Variants in QSOX2 observed in about 807,000 individuals in gnomAD.
QSOX2 encodes quiescin sulfhydryl oxidase 2.
QSOX2 carries 46 observed loss-of-function variants against 61.7 expected under a neutral mutation model. The ratio of observed to expected loss-of-function variants is 0.75; its 90% CI spans 0.59 to 0.95. The LOEUF is 0.95. QSOX2 is among the 40% of genes least tolerant of loss of function. The pLI is 0.00. For synonymous variants in QSOX2, 383 were observed against 388.4 expected (o/e 0.99, Z 0.16); for missense variants, 879 against 918.9 (o/e 0.96, Z 0.56).
In QSOX2 at chr9:136,221,757, G is replaced by A. The variant is rs748617034; in HGVS notation, c.821+39C>T. On this transcript the variant is annotated intron_variant, in intron 6 of 11. Transcript: ENST00000358701. This position sits in a 1 kb window ranked among gnomAD's most constrained non-coding sequence, Gnocchi z 4.5. Reference sequence around the variant, plus strand: ...CTCGGAGCCTCTGTCCGGTAACTCCGAGCGGCACGGAGTTCCCAGACCCCA... The same window carrying A: ...CTCGGAGCCTCTGTCCGGTAACTCCAAGCGGCACGGAGTTCCCAGACCCCA... The A allele has an allele frequency of 2.7e-5, 42 of 1,551,668 alleles. No homozygotes were observed. Among genetic ancestry groups the A allele is most frequent in the East Asian group, 4.6e-5 (2 of 43,226 alleles).
At chr9:136,244,671 C>G (rs1830456446) in intron 1 of QSOX2, among the ~76,000 whole-genome samples, 1 of 152,176 alleles carries the variant, frequency 6.6e-6, no homozygotes, top group African/African-American at 2.4e-5. Context: ...CCCTCCCACG[C>G]CAACTCTAAC....
intron 3 of QSOX2, 21 bp from the exon 4 acceptor site, chr9:136,224,133 T>A (rs764499422): frequency 6.3e-7 from 1 of 1,599,606 alleles, no homozygotes; most frequent in African/African-American, 1.3e-5. Flanking sequence ...CACACCAGGG[T>A]CAGAGCTGTG....
Position 136,223,694 on chromosome 9 carries a change from T to C in QSOX2, c.675+69A>G. 1 of 1,235,774 alleles carries C rather than the reference T, an allele frequency of 8.1e-7. No individual in the cohort carries two copies. The highest frequency in any genetic ancestry group is 1.9e-5 in the Admixed American group (1 of 52,846). The allele number at this position is 1,235,774 out of a possible 1,614,324, so 76.6% of individuals were successfully genotyped here. On this transcript the variant is annotated intron_variant, in intron 5 of 11. Transcript: ENST00000358701. This position sits in a 1 kb window ranked among gnomAD's most constrained non-coding sequence, Gnocchi z 4.4. ...ACACAGTGACCGGCACCTGCAAATC[T>C]CATCACAGATCCACCGCCAACCCCA...
At chr9:136,229,228 G>A (rs935433842) in intron 1 of QSOX2, among the ~76,000 whole-genome samples, 2 of 152,172 alleles carry the variant, frequency 1.3e-5, no homozygotes, top group African/African-American at 2.4e-5. Context: ...CTGCATCCCC[G>A]GCCACTCCTT....
intron 1 of QSOX2, among the ~76,000 whole-genome samples, chr9:136,236,156 G>A (rs1441177472): frequency 1.3e-5 from 2 of 152,102 alleles, no homozygotes; most frequent in African/African-American, 4.8e-5. Flanking sequence ...CCCAGGCATC[G>A]TCACAACGCT....
intron 1 of QSOX2, 56 bp downstream of exon 1, chr9:136,245,420 C>T: frequency 6.8e-7 from 1 of 1,477,970 alleles, no homozygotes; most frequent in Non-Finnish European, 9.1e-7. Context: ...CGCAAGGGGT[C>T]CCGGAAGGCC....
At position 136,208,786 on chromosome 9, in the gene QSOX2, A is replaced by T. The variant is rs750877370; in HGVS notation, c.2039T>A (p.Phe680Tyr). The change falls in exon 12 of 12, where the codon TTC (phenylalanine) becomes TAC (tyrosine). Residue 680 changes from phenylalanine to tyrosine, a missense_variant. Physicochemically the swap from Phe to Tyr is conservative, Grantham distance 22 (BLOSUM62 3). Transcript: ENST00000358701. ...ASSLFLMVMYFFFRVRSRRWK... is the reference protein window; with the variant it reads ...ASSLFLMVMYYFFRVRSRRWK... ...CCGCCTGGACCTCACCCGGAAGAAG[A>T]AGTACATCACCATGAGGAACAGGGA... 30 of 1,613,756 alleles carry T rather than the reference A, an allele frequency of 1.9e-5. No individual in the cohort carries two copies. Among genetic ancestry groups the T allele is most frequent in the African/African-American group, 4.0e-5 (3 of 74,926 alleles).
chr9:136,211,693 A>G (rs1194340595), intron 10 of QSOX2, among the ~76,000 whole-genome samples: 1 of 152,200 alleles, frequency 6.6e-6, no homozygotes, highest in African/African-American at 2.4e-5. Flanking sequence ...GAGGGCGGAC[A>G]TGCTCCCCAG....
intron 2 of QSOX2, among the ~76,000 whole-genome samples, chr9:136,226,162 A>G (rs1174953371): frequency 6.6e-6 from 1 of 152,258 alleles, no homozygotes; most frequent in African/African-American, 2.4e-5. Flanking sequence ...AAAGCTTCCC[A>G]GGAAGTGGGC....
chr9:136,234,145 A>T (rs1437619366), intron 1 of QSOX2, among the ~76,000 whole-genome samples: 1 of 152,138 alleles, frequency 6.6e-6, no homozygotes, highest in Non-Finnish European at 1.5e-5. Flanking sequence ...ACGTGGCTCC[A>T]CCTGGGGCAC....
intron 11 of QSOX2, chr9:136,210,914 A>C: frequency 1.0e-6 from 1 of 985,022 alleles, no homozygotes; most frequent in Non-Finnish European, 1.2e-6. Flanking sequence ...AAAATTCCTC[A>C]TCAAAAATTA....
chr9:136,224,950 A>G (rs1280300415), intron 2 of QSOX2, 41 bp from the exon 3 acceptor site: 11 of 1,495,610 alleles, frequency 7.4e-6, no homozygotes, highest in Non-Finnish European at 9.2e-6. Flanking sequence ...GCAGCCTTCC[A>G]TGGGCATCTG....
intron 1 of QSOX2, among the ~76,000 whole-genome samples, chr9:136,243,517 A>G (rs1047889235): frequency 6.6e-6 from 1 of 152,124 alleles, no homozygotes; most frequent in Non-Finnish European, 1.5e-5. Flanking sequence ...CTGTAAACCT[A>G]CCCCTTCCTA....
At chr9:136,215,122 C>T (rs780802697) in intron 10 of QSOX2, 32 bp downstream of exon 10, 26 of 1,600,950 alleles carry the variant, frequency 1.6e-5, no homozygotes, top group South Asian at 9.0e-5. Flanking sequence ...GGCAGACCAT[C>T]GGCCCCTCTG....
chr9:136,211,078 A>C (rs1222944818), intron 11 of QSOX2, among the ~76,000 whole-genome samples, 186 bp downstream of exon 11: 2 of 152,232 alleles, frequency 1.3e-5, no homozygotes, highest in Non-Finnish European at 2.9e-5. Flanking sequence ...GGACAGAAGC[A>C]GCCTGGGAAA....
intron 1 of QSOX2, among the ~76,000 whole-genome samples, chr9:136,233,910 C>T (rs1830354271): frequency 6.6e-6 from 1 of 152,232 alleles, no homozygotes; most frequent in African/African-American, 2.4e-5. Flanking sequence ...CACACAGAAA[C>T]CGTTTAGAGA....
At chr9:136,230,141 T>C (rs1830317326) in intron 1 of QSOX2, among the ~76,000 whole-genome samples, 1 of 151,990 alleles carries the variant, frequency 6.6e-6, no homozygotes, top group African/African-American at 2.4e-5. Flanking sequence ...TAGCCGGGCG[T>C]GGTGGTGCGT....
In QSOX2 at chr9:136,209,027, A is replaced by G; in HGVS notation, c.1798T>C (p.Ser600Pro). ...EEKRLTPPEV[S>P]HGDRDTQSVR... ...CTCTGGGTGTCTCGGTCTCCATGGG[A>G]CACCTCTGGGGGAGTGAGTCTTTTC... The change falls in exon 12 of 12, where the codon TCC (serine) becomes CCC (proline). Residue 600 changes from serine to proline, a missense_variant. Ser to Pro is a moderately conservative substitution (Grantham distance 74, BLOSUM62 -1). Coordinates refer to ENST00000358701, the MANE Select transcript of QSOX2 (RefSeq NM_181701.4). This position sits in a 1 kb window ranked among gnomAD's most constrained non-coding sequence, Gnocchi z 5.6. The G allele has an allele frequency of 6.2e-7, 1 of 1,613,958 alleles. No individual in the cohort carries two copies. The highest frequency in any genetic ancestry group is 2.2e-5 in the East Asian group (1 of 44,872).
chr9:136,207,372 C>CACACAT lies in QSOX2; in HGVS notation c.*1355_*1356insATGTGT, dbSNP rs1831780366. On this transcript the variant is annotated 3_prime_UTR_variant, in exon 12 of 12. Coordinates refer to ENST00000358701, the MANE Select transcript of QSOX2 (RefSeq NM_181701.4). ...AGTCTCTCTCTCTCTCATACACACA[C>CACACAT]ACACACACACACACACACACACACA... 6.7e-6 allele frequency: 1 copy of CACACAT among 148,898 alleles called. No individual in the cohort carries two copies. Among genetic ancestry groups the CACACAT allele is most frequent in the African/African-American group, 2.5e-5 (1 of 40,092 alleles). 9.2% of individuals were successfully genotyped at this position (148,898 alleles called of 1,614,324 possible). A position where few individuals can be genotyped will look rare whatever the true frequency, so the allele number is the denominator to read the frequency against.
Sources: gnomAD v4.1 joint callset for allele counts (sites outside exome capture counted in the v4.1 genomes callset) on GRCh38, gnomAD v4.1.1 for gene constraint, Gnocchi (gnomAD v3.1) non-coding constraint, MANE v1.5 for transcripts, NCBI Gene and HGNC (gene_info 2026-07-23, HGNC 2026-07-21) for gene names.